Variants in EZH2 observed in about 807,000 individuals in gnomAD.
EZH2 encodes enhancer of zeste 2 polycomb repressive complex 2 subunit.
In EZH2, 18 loss-of-function variants were observed where a neutral mutation model predicts 98.4. That is an observed-to-expected ratio of 0.18 (90% CI 0.13 to 0.27). The LOEUF (loss-of-function observed/expected upper bound fraction) is 0.27, where lower values mean the gene tolerates loss of function less well. EZH2 is among the 10% of genes least tolerant of loss of function. The pLI, the probability that EZH2 is intolerant of heterozygous loss-of-function variation, is 1.00. For synonymous variants in EZH2, 338 were observed against 312.3 expected, an observed-to-expected ratio of 1.08 and a Z score of -0.87; for missense variants, 470 against 935.1, an observed-to-expected ratio of 0.50 and a Z score of 6.49.
intron 3 of EZH2, among the ~76,000 whole-genome samples, chr7:148,833,253 T>A (rs187973506): frequency 0.077 from 11,660 of 151,856 alleles, 766 homozygotes; most frequent in East Asian, 0.34. Flanking sequence ...GGTCAGGAGA[T>A]CGAGACCATC....
At chr7:148,829,941 C>CCTG in intron 4 of EZH2, 93 bp from the exon 5 acceptor site, 3 of 884,700 alleles carry the variant, frequency 3.4e-6, no homozygotes, top group Non-Finnish European at 4.8e-6. Flanking sequence ...GTGTACATGT[C>CCTG]TTTACCCAGT....
rs1247696021 is a variant in EZH2 at position 148,868,191 on chromosome 7, C to A, written c.-8+15973G>T. Among the ~76,000 whole-genome samples the A allele has an allele frequency of 3.9e-5, 6 of 152,228 alleles. No individual in the cohort carries two copies. In the East Asian group the frequency reaches 1.2e-3, roughly 29 times the overall value. On this transcript the variant is annotated intron_variant, in intron 1 of 19. Transcript: ENST00000320356. ...TTTTCAGGTATCTTTATTGTGATGC[C>A]CCACTTCTGTGGTACATATTTTCTG...
At chr7:148,811,496 A>C in intron 16 of EZH2, 129 bp downstream of exon 16, 1 of 698,930 alleles carries the variant, frequency 1.4e-6, no homozygotes, top group South Asian at 2.0e-5. Context: ...GCAGAAGTCC[A>C]GGCTGAAAAG....
chr7:148,830,936 GAA>G (rs150346073), intron 4 of EZH2, among the ~76,000 whole-genome samples: 1,843 of 152,318 alleles, frequency 0.012, 36 homozygotes, highest in African/African-American at 0.042. Context: ...AGAGGCCTTT[GAA>G]AAGAGTATTG....
chr7:148,847,589 A>G (rs181753778), intron 1 of EZH2, among the ~76,000 whole-genome samples: 123 of 152,376 alleles, frequency 8.1e-4, no homozygotes, highest in African/African-American at 2.7e-3. Flanking sequence ...GGTATACTAT[A>G]CTATATCACA....
At chr7:148,816,176 G>T (rs1050398786) in intron 12 of EZH2, among the ~76,000 whole-genome samples, 1 of 152,092 alleles carries the variant, frequency 6.6e-6, no homozygotes, top group African/African-American at 2.4e-5. Flanking sequence ...CAATTTTTCT[G>T]GTTCTACATT....
Position 148,824,629 on chromosome 7 carries a change from A to G in EZH2, c.907+1825T>C, listed in dbSNP as rs1807152275. On this transcript the variant is annotated intron_variant, in intron 8 of 19. Coordinates refer to ENST00000320356, the MANE Select transcript of EZH2 (RefSeq NM_004456.5). ...AAAATCACCTAACAACACATTTCTC[A>G]GAATGCATCTCCGTCCATAAGTAAT... 2.0e-5 allele frequency among the ~76,000 whole-genome samples: 3 copies of G among 152,214 alleles called. No homozygotes were observed. In the South Asian group the frequency reaches 6.2e-4, roughly 32 times the overall value.
chr7:148,862,303 C>T (rs1202539733), intron 1 of EZH2, among the ~76,000 whole-genome samples: 1 of 152,146 alleles, frequency 6.6e-6, no homozygotes, highest in Non-Finnish European at 1.5e-5. Flanking sequence ...AAGTACTGGT[C>T]CACTGAGTTA....
At chr7:148,811,888 A>G in intron 15 of EZH2, 168 bp from the exon 16 acceptor site, 1 of 595,842 alleles carries the variant, frequency 1.7e-6, no homozygotes, top group South Asian at 2.0e-5. Flanking sequence ...AGCTGCTGAG[A>G]ATGGCTATGA....
chr7:148,820,654 CCA>C (rs1261208837), intron 8 of EZH2, among the ~76,000 whole-genome samples: 3 of 151,950 alleles, frequency 2.0e-5, no homozygotes, highest in African/African-American at 7.3e-5. Context: ...CAGCCTAACA[CCA>C]ATACTAATCT....
At chr7:148,860,391 G>A (rs931182576) in intron 1 of EZH2, among the ~76,000 whole-genome samples, 2 of 151,626 alleles carry the variant, frequency 1.3e-5, no homozygotes, top group African/African-American at 2.4e-5. Flanking sequence ...ATTAAAAATC[G>A]AGATGCAATC....
chr7:148,873,814 G>T (rs2129493260), intron 1 of EZH2, among the ~76,000 whole-genome samples: 1 of 151,098 alleles, frequency 6.6e-6, no homozygotes, highest in Non-Finnish European at 1.5e-5. Context: ...TCTAAGCTCT[G>T]CCCTACAGAT....
chr7:148,865,041 C>T (rs1818239855), intron 1 of EZH2, among the ~76,000 whole-genome samples: 1 of 151,394 alleles, frequency 6.6e-6, no homozygotes, highest in Non-Finnish European at 1.5e-5. Context: ...GCAGGAGAAT[C>T]GCTTGAACCT....
intron 16 of EZH2, among the ~76,000 whole-genome samples, chr7:148,811,119 G>A (rs974642285): frequency 4.6e-5 from 7 of 152,148 alleles, no homozygotes; most frequent in African/African-American, 1.7e-4. Flanking sequence ...AATGTGGCTA[G>A]AACCAAGCAA....
chr7:148,828,647 GAGAA>G (rs1435437636), intron 6 of EZH2, 89 bp downstream of exon 6: 2 of 1,427,372 alleles, frequency 1.4e-6, no homozygotes, highest in African/African-American at 1.4e-5. Flanking sequence ...GAAAGAAAAA[GAGAA>G]AGAAGAAACT....
At chr7:148,819,121 C>T in intron 9 of EZH2, 2 of 454,390 alleles carry the variant, frequency 4.4e-6, no homozygotes, top group Middle Eastern at 3.3e-4. Context: ...ACTTTTCTAC[C>T]TCATATTTTC....
At chr7:148,832,068 T>C (rs772488904) in intron 4 of EZH2, among the ~76,000 whole-genome samples, 9 of 152,192 alleles carry the variant, frequency 5.9e-5, no homozygotes, top group Non-Finnish European at 1.3e-4. Flanking sequence ...ACTGACTTTT[T>C]TAAGGATAAG....
intron 4 of EZH2, among the ~76,000 whole-genome samples, chr7:148,831,208 C>T (rs1262571128): frequency 2.0e-5 from 3 of 151,996 alleles, no homozygotes; most frequent in Admixed American, 2.0e-4. Context: ...TAACAAGTAC[C>T]GTAGACAGAC....
At chr7:148,870,315 T>C (rs1819166551) in intron 1 of EZH2, among the ~76,000 whole-genome samples, 1 of 152,212 alleles carries the variant, frequency 6.6e-6, no homozygotes, top group Non-Finnish European at 1.5e-5. Context: ...TTTGCTTGCA[T>C]TATTAATTAA....
Sources: allele counts gnomAD v4.1 joint callset (sites outside exome capture counted in the v4.1 genomes callset), GRCh38; gene constraint gnomAD v4.1.1; transcripts MANE v1.5; gene names NCBI Gene and HGNC (gene_info 2026-07-23, HGNC 2026-07-21).